SNX4: variants seen among roughly 807,000 people sequenced by gnomAD.
SNX4 encodes sorting nexin-4.
SNX4 carries 49 observed loss-of-function variants against 70.8 expected under a neutral mutation model. That is an observed-to-expected ratio of 0.69 (90% CI 0.55 to 0.88). The LOEUF is 0.88. Among genes scored for constraint, SNX4 ranks in the 40% least tolerant of loss-of-function variants. SNX4 has a pLI of 0.00. For synonymous variants in SNX4, 206 were observed against 183.8 expected, an observed-to-expected ratio of 1.12 and a Z score of -0.98; for missense variants, 528 against 544.8, an observed-to-expected ratio of 0.97 and a Z score of 0.31.
At chr3:125,477,973 C>G (rs994155564) in intron 7 of SNX4, among the ~76,000 whole-genome samples, 1 of 152,128 alleles carries the variant, frequency 6.6e-6, no homozygotes, top group Non-Finnish European at 1.5e-5. Context: ...CATAGTCCTA[C>G]TCCTACTTGA....
intron 1 of SNX4, among the ~76,000 whole-genome samples, chr3:125,518,682 C>T (rs1935329814): frequency 6.6e-6 from 1 of 152,000 alleles, no homozygotes. Context: ...GCCTGGGTAA[C>T]ATGGTGAAAA....
At chr3:125,502,764 G>C (rs1227435030) in intron 2 of SNX4, among the ~76,000 whole-genome samples, 2 of 144,952 alleles carry the variant, frequency 1.4e-5, no homozygotes, top group Admixed American at 7.1e-5. Context: ...TAAGGCAGGT[G>C]AATCACTTGA....
chr3:125,516,249 T>TA (rs756866963), intron 1 of SNX4, among the ~76,000 whole-genome samples: 1 of 152,208 alleles, frequency 6.6e-6, no homozygotes. Flanking sequence ...CAATGGAATC[T>TA]AAAAAACTAC....
chr3:125,486,517 TCA>T (rs1934537931), intron 6 of SNX4, among the ~76,000 whole-genome samples: 1 of 152,112 alleles, frequency 6.6e-6, no homozygotes, highest in Non-Finnish European at 1.5e-5. Flanking sequence ...TCCCAGCTAC[TCA>T]GGAGGCTGAG....
chr3:125,498,578 T>G (rs890015791), intron 2 of SNX4, among the ~76,000 whole-genome samples: 5 of 152,214 alleles, frequency 3.3e-5, no homozygotes, highest in Non-Finnish European at 5.9e-5. Flanking sequence ...CTTGGCCTCA[T>G]GTATTTTCAT....
chr3:125,457,703 T>A (rs1270148587), intron 10 of SNX4, among the ~76,000 whole-genome samples: 1 of 150,466 alleles, frequency 6.6e-6, no homozygotes, highest in African/African-American at 2.4e-5. Flanking sequence ...TCAGCTTCCC[T>A]AGTAGATGGG....
At position 125,457,339 on chromosome 3, in the gene SNX4, A is replaced by G. The variant is rs34600301; in HGVS notation, c.971T>C (p.Met324Thr). The change falls in exon 11 of 14, where the codon ATG becomes ACG. Residue 324 changes from methionine (M) to threonine (T), a missense_variant. Met to Thr is a moderately conservative substitution (Grantham distance 81). Transcript: ENST00000251775. ...LRAVCRKHEL[M>T]QYDLEMAAQD... ...AGCAGCCATCTCCAAGTCATACTGC[A>G]TAAGTTCATGTTTCCTGCACACAGC... 1,140 of 1,613,916 alleles carry G rather than the reference A, an allele frequency of 7.1e-4. 11 individuals carry two copies. Among genetic ancestry groups the G allele is most frequent in the Admixed American group, 1.7e-4 (10 of 60,004 alleles).
intron 6 of SNX4, 108 bp downstream of exon 6, chr3:125,489,300 T>C (rs1436374008): frequency 4.9e-6 from 4 of 815,886 alleles, no homozygotes; most frequent in African/African-American, 1.7e-5. Flanking sequence ...AATGTGAATA[T>C]GTAAACTATT....
chr3:125,497,435 T>C, intron 4 of SNX4, 47 bp from the exon 5 acceptor site: 2 of 1,132,366 alleles, frequency 1.8e-6, no homozygotes, highest in East Asian at 4.7e-5. Flanking sequence ...AAAGCAAATA[T>C]TCCAAATTAA....
chr3:125,478,740 A>G (rs1193855670), intron 7 of SNX4, among the ~76,000 whole-genome samples: 2 of 151,452 alleles, frequency 1.3e-5, no homozygotes, highest in Non-Finnish European at 2.9e-5. Flanking sequence ...CTGAAAAACC[A>G]CTTAAGAAAA....
chr3:125,451,274 T>G (rs753762063), intron 13 of SNX4, 31 bp downstream of exon 13: 1 of 1,501,690 alleles, frequency 6.7e-7, no homozygotes, highest in South Asian at 1.2e-5. Flanking sequence ...TGAATATACA[T>G]ATATCTTCAC....
chr3:125,496,530 T>C (rs3772211), intron 5 of SNX4, among the ~76,000 whole-genome samples: 53,196 of 151,916 alleles, frequency 0.35, 9,549 homozygotes, highest in Admixed American at 0.46. Context: ...ATGTGAGTCA[T>C]TGAACAATTT....
intron 9 of SNX4, among the ~76,000 whole-genome samples, chr3:125,468,173 A>G (rs756361493): frequency 5.3e-5 from 8 of 152,242 alleles, no homozygotes; most frequent in African/African-American, 7.2e-5. Flanking sequence ...ATTCTCATTT[A>G]TAAGTGGGAG....
At chr3:125,512,065 A>G (rs1034527373) in intron 1 of SNX4, among the ~76,000 whole-genome samples, 8 of 152,178 alleles carry the variant, frequency 5.3e-5, no homozygotes, top group East Asian at 1.9e-4. Context: ...TTTATAAAAT[A>G]TAAGTTTTTA....
At chr3:125,462,937 C>T (rs549811246) in intron 9 of SNX4, among the ~76,000 whole-genome samples, 2 of 152,302 alleles carry the variant, frequency 1.3e-5, no homozygotes, top group Admixed American at 6.5e-5. Context: ...AGGCAGTACA[C>T]CTAGAGTCGG....
chr3:125,456,410 T>C (rs534755378), intron 11 of SNX4, among the ~76,000 whole-genome samples: 12 of 152,148 alleles, frequency 7.9e-5, no homozygotes, highest in African/African-American at 2.4e-4. Context: ...CCTGTAATCC[T>C]AGCACTTTGG....
chr3:125,505,631 T>C (rs1935028883), intron 1 of SNX4, among the ~76,000 whole-genome samples: 1 of 152,210 alleles, frequency 6.6e-6, no homozygotes, highest in African/African-American at 2.4e-5. Context: ...CACCAACTGC[T>C]TCTTCTAAGA....
At chr3:125,505,718 T>C (rs1935030799) in intron 1 of SNX4, among the ~76,000 whole-genome samples, 1 of 152,202 alleles carries the variant, frequency 6.6e-6, no homozygotes, top group African/African-American at 2.4e-5. Context: ...CTGAAGTGAC[T>C]TCCAGGGGAC....
chr3:125,478,994 G>A (rs543740782), intron 7 of SNX4, among the ~76,000 whole-genome samples: 1 of 152,228 alleles, frequency 6.6e-6, no homozygotes, highest in African/African-American at 2.4e-5. Flanking sequence ...AGAGTCCAAC[G>A]ATACTCTTGA....
Sources: gnomAD v4.1 joint callset for allele counts (sites outside exome capture counted in the v4.1 genomes callset) on GRCh38, gnomAD v4.1.1 for gene constraint, MANE v1.5 for transcripts, NCBI Gene and HGNC (gene_info 2026-07-23, HGNC 2026-07-21) for gene names.